The following ZBTB20 variants were observed in gnomAD, a reference collection of about 807,000 sequenced individuals.
ZBTB20 encodes zinc finger and BTB domain containing 20.
A neutral mutation model predicts 56.9 loss-of-function variants in ZBTB20; 9 were observed. The observed-to-expected ratio is 0.16, with a 90% CI of 0.10 to 0.28. The LOEUF is 0.28. Ranked by LOEUF, ZBTB20 falls within the 10% of genes least tolerant of loss-of-function variation. ZBTB20 has a pLI of 1.00. For synonymous variants in ZBTB20, 417 were observed against 420.7 expected, an observed-to-expected ratio of 0.99 and a Z score of 0.11; for missense variants, 655 against 1,003.0, an observed-to-expected ratio of 0.65 and a Z score of 4.69.
At chr3:114,874,257 T>A (rs1476004144) in intron 4 of ZBTB20, 2 of 152,188 alleles carry the variant, frequency 1.3e-5, no homozygotes, top group African/African-American at 4.8e-5. Flanking sequence ...AAATGAATAT[T>A]CACTAAACAA....
chr3:115,117,642 C>CT (rs770854294), intron 1 of ZBTB20, among the ~76,000 whole-genome samples: 188 of 147,702 alleles, frequency 1.3e-3, no homozygotes, highest in African/African-American at 2.0e-3. Flanking sequence ...CTCCACAACT[C>CT]TTTTTTTTTT....
chr3:114,445,298 CTT>C (rs1295610776), intron 7 of ZBTB20, among the ~76,000 whole-genome samples: 1 of 152,124 alleles, frequency 6.6e-6, no homozygotes, highest in African/African-American at 2.4e-5. Flanking sequence ...TTGATTGACT[CTT>C]ATTTTCCACA....
At chr3:114,515,646 G>C (rs1275615697) in intron 6 of ZBTB20, among the ~76,000 whole-genome samples, 1 of 152,086 alleles carries the variant, frequency 6.6e-6, no homozygotes, top group African/African-American at 2.4e-5. Flanking sequence ...CTTTTGCATA[G>C]AGAAAACAGA....
At chr3:114,469,645 C>T (rs2039895119) in intron 7 of ZBTB20, among the ~76,000 whole-genome samples, 1 of 152,188 alleles carries the variant, frequency 6.6e-6, no homozygotes, top group Non-Finnish European at 1.5e-5. Context: ...CAATGTTTCC[C>T]TGGGCTGAGT....
chr3:114,679,736 A>C (rs1010091733), intron 6 of ZBTB20, among the ~76,000 whole-genome samples: 3 of 152,178 alleles, frequency 2.0e-5, no homozygotes, highest in Admixed American at 2.0e-4. Context: ...GTGATTCCTC[A>C]AGGATCTAGA....
At chr3:114,426,063 C>T (rs967881060) in intron 7 of ZBTB20, among the ~76,000 whole-genome samples, 6 of 151,968 alleles carry the variant, frequency 3.9e-5, no homozygotes, top group African/African-American at 1.4e-4. Context: ...CAGCCGGGTG[C>T]GGTGGCTCAC....
intron 2 of ZBTB20, among the ~76,000 whole-genome samples, chr3:114,995,392 A>G (rs1273535220): frequency 2.0e-5 from 3 of 151,938 alleles, no homozygotes; most frequent in African/African-American, 7.2e-5. Context: ...AGCTTCATAT[A>G]GGTTGCTACT....
At chr3:114,479,756 G>A (rs1000414977) in intron 7 of ZBTB20, among the ~76,000 whole-genome samples, 21 of 152,192 alleles carry the variant, frequency 1.4e-4, no homozygotes, top group African/African-American at 5.1e-4. Flanking sequence ...CTCAGCAAAT[G>A]CATACAGGTC....
In ZBTB20 at chr3:114,862,334, C is replaced by T. The variant is rs148169151; in HGVS notation, c.-417+37970G>A. Among the ~76,000 whole-genome samples the T allele has an allele frequency of 5.3e-3, 808 of 151,896 alleles. 8 individuals are homozygous for T. Among genetic ancestry groups the T allele is most frequent in the South Asian group, 0.03 (145 of 4,802 alleles). The stretch of plus-strand genomic sequence containing the variant: ...TAATTTTTTTTAAAGTGGTAAGATG[C>T]CTCTGTTTTGAAAGTGGATGCCCAG... On this transcript the variant is annotated intron_variant, in intron 4 of 11. Coordinates refer to ENST00000675478, the MANE Select transcript of ZBTB20 (RefSeq NM_001348800.3).
chr3:115,004,807 G>A (rs2079398941), intron 2 of ZBTB20, among the ~76,000 whole-genome samples: 1 of 151,654 alleles, frequency 6.6e-6, no homozygotes. Flanking sequence ...TTTTTAGCAA[G>A]AGATATTTGG....
intron 7 of ZBTB20, among the ~76,000 whole-genome samples, chr3:114,493,391 A>G (rs1482986160): frequency 6.6e-6 from 1 of 152,174 alleles, no homozygotes; most frequent in Non-Finnish European, 1.5e-5. Flanking sequence ...TCTGGGATAA[A>G]TGCCCCAAAG....
At chr3:114,635,058 C>T (rs1431151880) in intron 6 of ZBTB20, among the ~76,000 whole-genome samples, 3 of 152,144 alleles carry the variant, frequency 2.0e-5, no homozygotes, top group Admixed American at 1.3e-4. Context: ...TTCAGAGTTC[C>T]CTCTGTGAAG....
chr3:114,354,538 A>G (rs568529835), intron 10 of ZBTB20, among the ~76,000 whole-genome samples: 2 of 150,702 alleles, frequency 1.3e-5, no homozygotes, highest in South Asian at 4.2e-4. Context: ...ATTCCTTACA[A>G]CAATCCTATG....
chr3:115,091,310 A>G (rs1398985774), intron 1 of ZBTB20, among the ~76,000 whole-genome samples: 2 of 151,988 alleles, frequency 1.3e-5, no homozygotes, highest in Non-Finnish European at 2.9e-5. Context: ...GTACAACTAA[A>G]TATACAGCTA....
intron 3 of ZBTB20, among the ~76,000 whole-genome samples, chr3:114,901,637 T>C (rs577943794): frequency 6.6e-6 from 1 of 152,068 alleles, no homozygotes; most frequent in Admixed American, 6.6e-5. Context: ...AAATATCTAA[T>C]AGAAAAATAA....
chr3:115,125,021 T>C (rs1452970432), intron 1 of ZBTB20, among the ~76,000 whole-genome samples: 1 of 151,616 alleles, frequency 6.6e-6, no homozygotes, highest in East Asian at 1.9e-4. Context: ...CCCCTGAACT[T>C]AAAGTTTTTT....
intron 7 of ZBTB20, among the ~76,000 whole-genome samples, chr3:114,448,281 A>G (rs2091393163): frequency 6.8e-6 from 1 of 147,422 alleles, no homozygotes. Context: ...ATTCAAGAGG[A>G]AAAAAAAAAA....
chr3:114,661,850 C>T (rs1378437232), intron 6 of ZBTB20, among the ~76,000 whole-genome samples: 1 of 151,878 alleles, frequency 6.6e-6, no homozygotes, highest in African/African-American at 2.4e-5. Context: ...GGATTCAGCC[C>T]TTGCATGTGC....
At chr3:115,096,223 T>C (rs1399387495) in intron 1 of ZBTB20, among the ~76,000 whole-genome samples, 1 of 152,214 alleles carries the variant, frequency 6.6e-6, no homozygotes, top group Non-Finnish European at 1.5e-5. Context: ...CTAGTGTTTA[T>C]TGTCCTTGAT....
Sources: gnomAD v4.1 joint callset for allele counts (sites outside exome capture counted in the v4.1 genomes callset) on GRCh38, gnomAD v4.1.1 for gene constraint, MANE v1.5 for transcripts, NCBI Gene and HGNC (gene_info 2026-07-23, HGNC 2026-07-21) for gene names.